The following RANBP2 variants were observed in gnomAD, a reference collection of about 807,000 sequenced individuals.
RANBP2 encodes E3 SUMO-protein ligase RanBP2.
RANBP2 carries 57 observed loss-of-function variants against 303.6 expected under a neutral mutation model. The observed-to-expected ratio is 0.19, with a 90% CI of 0.15 to 0.23. The LOEUF (loss-of-function observed/expected upper bound fraction) is 0.23. RANBP2 is among the 10% of genes least tolerant of loss of function. The pLI is 1.00. For missense variants in RANBP2, 3,138 were observed against 3,780.8 expected (o/e 0.83, Z 4.46); for synonymous variants, 1,167 against 1,301.5 (o/e 0.90, Z 2.23).
the RANBP2 span, chr2:108,931,090 G>A: frequency 6.8e-7 from 1 of 1,461,516 alleles, no homozygotes; most frequent in African/African-American, 1.4e-5. Context: ...CGGGGGTCTG[G>A]CTACCTTTAT....
the RANBP2 span, among the ~76,000 whole-genome samples, chr2:109,015,828 G>A: frequency 2.0e-5 from 3 of 152,170 alleles, no homozygotes; most frequent in Non-Finnish European, 4.4e-5. Context: ...TAAAATATGT[G>A]CTAATCAACT....
the RANBP2 span, among the ~76,000 whole-genome samples, chr2:109,092,223 C>T: frequency 6.6e-6 from 1 of 152,096 alleles, no homozygotes; most frequent in East Asian, 1.9e-4. Context: ...AATTAGTAAG[C>T]CCTGAGGAAC....
the RANBP2 span, among the ~76,000 whole-genome samples, chr2:109,392,676 G>T: frequency 1.3e-5 from 2 of 152,122 alleles, no homozygotes; most frequent in South Asian, 4.2e-4. Flanking sequence ...CTGCCACCAC[G>T]CCCGGCTAAT....
At chr2:108,897,186 A>T in the RANBP2 span, 1 of 1,613,830 alleles carries the variant, frequency 6.2e-7, no homozygotes, top group Non-Finnish European at 8.5e-7. Context: ...GCATTCGGCT[A>T]GTCTTCTCGA....
At chr2:109,132,654 G>A in the RANBP2 span, among the ~76,000 whole-genome samples, 5 of 152,202 alleles carry the variant, frequency 3.3e-5, no homozygotes, top group Admixed American at 1.3e-4. Context: ...CTTAAAGTGT[G>A]TTCATATGTG....
At chr2:108,780,106 T>C (rs1405969990) in intron 25 of RANBP2, among the ~76,000 whole-genome samples, 1 of 152,120 alleles carries the variant, frequency 6.6e-6, no homozygotes, top group Non-Finnish European at 1.5e-5. Context: ...GACAGTCTTA[T>C]CTTTGTATCG....
the RANBP2 span, among the ~76,000 whole-genome samples, chr2:108,945,276 C>A: frequency 6.6e-6 from 1 of 152,144 alleles, no homozygotes; most frequent in South Asian, 2.1e-4. Flanking sequence ...AGCATGTAAT[C>A]TTTAAAGACA....
At chr2:109,420,798 T>C in the RANBP2 span, among the ~76,000 whole-genome samples, 1 of 152,258 alleles carries the variant, frequency 6.6e-6, no homozygotes, top group African/African-American at 2.4e-5. Flanking sequence ...TTGCCAAGCT[T>C]CAAAAGGTCT....
downstream of RANBP2, chr2:108,787,965 G>T: frequency 1.6e-6 from 2 of 1,267,950 alleles, no homozygotes; most frequent in East Asian, 2.7e-5. Flanking sequence ...ATAATTTGTG[G>T]GGAAATATTT....
chr2:109,152,795 T>G, the RANBP2 span, among the ~76,000 whole-genome samples: 2 of 152,074 alleles, frequency 1.3e-5, no homozygotes, highest in Non-Finnish European at 2.9e-5. Context: ...GGCCTGATGG[T>G]GGGGTGCCTA....
the RANBP2 span, among the ~76,000 whole-genome samples, chr2:109,629,325 A>T: frequency 5.5e-5 from 1 of 18,326 alleles, no homozygotes; most frequent in Non-Finnish European, 1.1e-4. Flanking sequence ...ATATATATAT[A>T]TATATATATA....
the RANBP2 span, among the ~76,000 whole-genome samples, chr2:108,817,101 A>G: frequency 5.3e-5 from 8 of 152,166 alleles, no homozygotes; most frequent in Non-Finnish European, 1.0e-4. Context: ...GCACATGGCA[A>G]AAGGGAATTA....
chr2:109,661,213 G>A, the RANBP2 span, among the ~76,000 whole-genome samples: 1 of 151,494 alleles, frequency 6.6e-6, no homozygotes, highest in African/African-American at 2.4e-5. Context: ...CTAACGGAAG[G>A]TGAAGGGGCA....
At chr2:109,213,040 C>T in the RANBP2 span, among the ~76,000 whole-genome samples, 1 of 152,186 alleles carries the variant, frequency 6.6e-6, no homozygotes, top group Non-Finnish European at 1.5e-5. Flanking sequence ...GCACTCTGAG[C>T]AGGTGGAGGA....
At chr2:109,085,728 G>C in the RANBP2 span, among the ~76,000 whole-genome samples, 95 of 151,568 alleles carry the variant, frequency 6.3e-4, no homozygotes, top group African/African-American at 2.1e-3. Flanking sequence ...AGCCTCCCAA[G>C]TAGCTGGGAT....
the RANBP2 span, among the ~76,000 whole-genome samples, chr2:109,225,023 T>C: frequency 1.3e-5 from 2 of 152,294 alleles, no homozygotes; most frequent in East Asian, 3.9e-4. Flanking sequence ...AAAGATTGTC[T>C]GGAAGAAGGA....
the RANBP2 span, among the ~76,000 whole-genome samples, chr2:109,729,740 G>A: frequency 5.3e-5 from 8 of 152,200 alleles, no homozygotes; most frequent in Admixed American, 2.0e-4. Flanking sequence ...TGTCCTGGCT[G>A]AAGGAAGGAG....
the RANBP2 span, among the ~76,000 whole-genome samples, chr2:109,230,960 G>T: frequency 5.3e-5 from 8 of 152,228 alleles, no homozygotes; most frequent in African/African-American, 1.9e-4. Context: ...CTCATTTGCA[G>T]TAGGAGTTGG....
At chr2:108,743,446 T>TA (rs1263623626) in intron 7 of RANBP2, among the ~76,000 whole-genome samples, 7 of 152,160 alleles carry the variant, frequency 4.6e-5, no homozygotes, top group South Asian at 2.1e-4. Context: ...GCTACATTGT[T>TA]AAATTTTTTG....
Sources: gnomAD v4.1 joint callset for allele counts (sites outside exome capture counted in the v4.1 genomes callset) on GRCh38, gnomAD v4.1.1 for gene constraint, MANE v1.5 for transcripts, NCBI Gene and HGNC (gene_info 2026-07-23, HGNC 2026-07-21) for gene names.